Variants in ARHGAP39 observed in about 807,000 individuals in gnomAD.
ARHGAP39 encodes Rho GTPase activating protein 39, also known as rho GTPase-activating protein 39.
ARHGAP39 carries 44 observed loss-of-function variants against 106.9 expected under a neutral mutation model. The ratio of observed to expected loss-of-function variants is 0.41; its 90% CI spans 0.32 to 0.53. The LOEUF is 0.53. ARHGAP39 is among the 20% of genes least tolerant of loss of function. The probability of loss-of-function intolerance (pLI) is 0.21; values close to 1 mark genes in which losing one functional copy is unlikely to be tolerated. For missense variants in ARHGAP39, 1,496 were observed against 1,577.3 expected (o/e 0.95, Z 0.87); for synonymous variants, 768 against 693.2 (o/e 1.11, Z -1.69).
At chr8:144,561,623 CGGACCCCA>C (rs1818165462) in intron 3 of ARHGAP39, among the ~76,000 whole-genome samples, 3 of 148,628 alleles carry the variant, frequency 2.0e-5, no homozygotes, top group South Asian at 2.1e-4. Context: ...TGGTTTCCAT[CGGACCCCA>C]GTGGTTTCCA....
intron 3 of ARHGAP39, among the ~76,000 whole-genome samples, chr8:144,562,255 GTTT>G (rs1818209006): frequency 1.2e-5 from 1 of 80,934 alleles, no homozygotes; most frequent in Non-Finnish European, 3.2e-5. Context: ...CACTCCAGTG[GTTT>G]CCATCGTGCT....
At chr8:144,659,104 T>C (rs1821764292) in intron 1 of ARHGAP39, among the ~76,000 whole-genome samples, 1 of 152,150 alleles carries the variant, frequency 6.6e-6, no homozygotes, top group Non-Finnish European at 1.5e-5. Flanking sequence ...AAAGCATTCC[T>C]CAGTAAACTT....
intron 9 of ARHGAP39, 66 bp downstream of exon 9, chr8:144,533,060 G>A: frequency 6.5e-7 from 1 of 1,547,516 alleles, no homozygotes; most frequent in Middle Eastern, 1.7e-4. Flanking sequence ...GCCCCTGCAT[G>A]CCACAGATGC....
At chr8:144,549,017 G>A (rs137863980) in intron 4 of ARHGAP39, among the ~76,000 whole-genome samples, 1 of 152,290 alleles carries the variant, frequency 6.6e-6, no homozygotes, top group Non-Finnish European at 1.5e-5. Context: ...CAGTCACCAC[G>A]CTCACTCCAA....
the ARHGAP39 span, among the ~76,000 whole-genome samples, chr8:144,697,315 C>CAA: frequency 2.5e-5 from 3 of 119,166 alleles, no homozygotes; most frequent in Non-Finnish European, 3.6e-5. Flanking sequence ...AGATCCCTCT[C>CAA]AAAAAAAAAA....
At chr8:144,682,542 C>T (rs1236227009) in intron 1 of ARHGAP39, among the ~76,000 whole-genome samples, 1 of 135,812 alleles carries the variant, frequency 7.4e-6, no homozygotes, top group African/African-American at 2.9e-5. Flanking sequence ...GAGCAAGACT[C>T]TGTCTCAAAA....
intron 1 of ARHGAP39, among the ~76,000 whole-genome samples, chr8:144,636,926 G>A (rs1821185383): frequency 6.6e-6 from 1 of 152,158 alleles, no homozygotes. Flanking sequence ...CTCCAGAACT[G>A]CTATTAAGAA....
intron 2 of ARHGAP39, among the ~76,000 whole-genome samples, chr8:144,605,125 G>T (rs922406859): frequency 6.6e-6 from 1 of 152,092 alleles, no homozygotes; most frequent in African/African-American, 2.4e-5. Context: ...AGCTAGACGT[G>T]GTGGTGCACA....
intron 1 of ARHGAP39, among the ~76,000 whole-genome samples, chr8:144,607,494 C>G (rs1002463618): frequency 6.6e-6 from 1 of 152,220 alleles, no homozygotes; most frequent in Non-Finnish European, 1.5e-5. Flanking sequence ...TCTGCCGAAC[C>G]GTGGTGGGCA....
chr8:144,562,261 ATCGTGCTCC>A (rs1818209546), intron 3 of ARHGAP39, among the ~76,000 whole-genome samples: 1 of 79,824 alleles, frequency 1.3e-5, no homozygotes, highest in Non-Finnish European at 3.2e-5. Flanking sequence ...AGTGGTTTCC[ATCGTGCTCC>A]AGTGGTTTCC....
chr8:144,563,264 C>A (rs1818266598), intron 3 of ARHGAP39, among the ~76,000 whole-genome samples: 1 of 152,174 alleles, frequency 6.6e-6, no homozygotes, highest in Non-Finnish European at 1.5e-5. Context: ...TTAGGAGTTA[C>A]TGAAACAGTG....
At position 144,548,615 on chromosome 8, in the gene ARHGAP39, C is replaced by A; in HGVS notation, c.597-126G>T. Reference sequence around the variant, plus strand: ...TGTTGTACACCTTCCTCGCTGGGGCCCTGTGGCCTGGCGCCCCTCACACCT... The same window carrying A: ...TGTTGTACACCTTCCTCGCTGGGGCACTGTGGCCTGGCGCCCCTCACACCT... On this transcript the variant is annotated intron_variant, in intron 4 of 11. Coordinates refer to ENST00000377307, the MANE Select transcript of ARHGAP39 (RefSeq NM_025251.3). The surrounding 1 kb of genome is among the most constrained non-coding windows in gnomAD (Gnocchi z 7.4). 3 of 1,315,942 alleles carry A rather than the reference C, an allele frequency of 2.3e-6. No individual in the cohort carries two copies. The highest frequency in any genetic ancestry group is 3.0e-6 in the Non-Finnish European group (3 of 989,610). 81.5% of individuals were successfully genotyped at this position (1,315,942 alleles called of 1,614,324 possible).
At chr8:144,544,768 G>A (rs903559029) in intron 6 of ARHGAP39, among the ~76,000 whole-genome samples, 5 of 152,230 alleles carry the variant, frequency 3.3e-5, no homozygotes, top group South Asian at 2.1e-4. Context: ...ACCTGCATGT[G>A]AGCCAGTCAT....
At chr8:144,619,381 G>A (rs1345140968) in intron 1 of ARHGAP39, among the ~76,000 whole-genome samples, 1 of 151,892 alleles carries the variant, frequency 6.6e-6, no homozygotes, top group Non-Finnish European at 1.5e-5. Flanking sequence ...TGTCCCAGAG[G>A]GAGAGTGTGT....
At chr8:144,609,725 C>T (rs1029285172) in intron 1 of ARHGAP39, among the ~76,000 whole-genome samples, 3 of 152,096 alleles carry the variant, frequency 2.0e-5, no homozygotes, top group African/African-American at 7.2e-5. Context: ...TATATATTCT[C>T]AAATGGGATT....
chr8:144,667,079 C>T (rs2129709384), intron 1 of ARHGAP39, among the ~76,000 whole-genome samples: 1 of 152,290 alleles, frequency 6.6e-6, no homozygotes, highest in East Asian at 1.9e-4. Flanking sequence ...TTTGTTTATT[C>T]TAAATATAAG....
At position 144,641,424 on chromosome 8, in the gene ARHGAP39, C is replaced by G. The variant is rs1821310927; in HGVS notation, c.-81-35729G>C. On this transcript the variant is annotated intron_variant, in intron 1 of 11. Transcript: ENST00000377307. This position sits in a 1 kb window ranked among gnomAD's most constrained non-coding sequence, Gnocchi z 5.2. ...GGGCTGGTAAAGCGAAGCTGACCACCAAGACCCCACCATGCTCACATCGAG... is the reference window on the plus strand; with the variant it reads ...GGGCTGGTAAAGCGAAGCTGACCACGAAGACCCCACCATGCTCACATCGAG... 6.6e-6 allele frequency among the ~76,000 whole-genome samples: 1 copy of G among 152,140 alleles called. No individual in the cohort carries two copies. Among genetic ancestry groups the G allele is most frequent in the South Asian group, 2.1e-4 (1 of 4,824 alleles).
In ARHGAP39 at chr8:144,548,133, A is replaced by C. The variant is rs1564841636; in HGVS notation, c.953T>G (p.Val318Gly). 6.3e-7 allele frequency: 1 copy of C among 1,576,446 alleles called. No individual in the cohort carries two copies. The highest frequency in any genetic ancestry group is 8.6e-7 in the Non-Finnish European group (1 of 1,161,112). Reference protein sequence around the residue: ...YEPPLYEEPPVEYQAPIYDEP... With the variant: ...YEPPLYEEPPGEYQAPIYDEP... ...ATCGTAGATGGGGGCCTGGTACTCC[A>C]CTGGGGGCTCCTCGTAGAGCGGGGG... The change falls in exon 5 of 12, where the codon GTG becomes GGG. Residue 318 changes from valine to glycine, a missense_variant. Physicochemically the swap from Val to Gly is moderately radical, Grantham distance 109. Coordinates refer to ENST00000377307, the MANE Select transcript of ARHGAP39 (RefSeq NM_025251.3). This position sits in a 1 kb window ranked among gnomAD's most constrained non-coding sequence, Gnocchi z 7.4.
chr8:144,606,840 A>C (rs948355021), intron 1 of ARHGAP39, among the ~76,000 whole-genome samples: 17 of 152,206 alleles, frequency 1.1e-4, no homozygotes, highest in African/African-American at 3.9e-4. Context: ...TAAAATAATA[A>C]GGCTTTTGGA....
Sources: gnomAD v4.1 joint callset for allele counts (sites outside exome capture counted in the v4.1 genomes callset) on GRCh38, gnomAD v4.1.1 for gene constraint, Gnocchi (gnomAD v3.1) non-coding constraint, MANE v1.5 for transcripts, NCBI Gene and HGNC (gene_info 2026-07-23, HGNC 2026-07-21) for gene names.